Variants in PPARGC1A observed in about 807,000 individuals in gnomAD.
PPARGC1A encodes the protein peroxisome proliferator-activated receptor gamma coactivator 1-alpha.
In PPARGC1A, 25 loss-of-function variants were observed where a neutral mutation model predicts 88.7. The ratio of observed to expected loss-of-function variants is 0.28; its 90% CI spans 0.21 to 0.39. The LOEUF is 0.39. PPARGC1A is among the 10% of genes least tolerant of loss of function. The pLI, the probability that PPARGC1A is intolerant of heterozygous loss-of-function variation, is 1.00. For synonymous variants in PPARGC1A, 363 were observed against 355.6 expected (o/e 1.02, Z -0.24); for missense variants, 880 against 968.7 (o/e 0.91, Z 1.22).
At chr4:23,986,984 G>A in the PPARGC1A span, among the ~76,000 whole-genome samples, 2 of 151,982 alleles carry the variant, frequency 1.3e-5, no homozygotes, top group Non-Finnish European at 2.9e-5. Context: ...TAATACTACT[G>A]CCAAGAGAAT....
the PPARGC1A span, among the ~76,000 whole-genome samples, chr4:24,024,376 C>G: frequency 6.6e-6 from 1 of 152,178 alleles, no homozygotes; most frequent in Non-Finnish European, 1.5e-5. Context: ...ATTCCACGGA[C>G]CACATTCCTT....
chr4:24,198,191 C>T, the PPARGC1A span, among the ~76,000 whole-genome samples: 1 of 152,206 alleles, frequency 6.6e-6, no homozygotes, highest in Non-Finnish European at 1.5e-5. Flanking sequence ...TCATGAAATA[C>T]AAATGCCCAT....
the PPARGC1A span, among the ~76,000 whole-genome samples, chr4:24,195,766 G>A: frequency 3.3e-3 from 507 of 151,396 alleles, no homozygotes; most frequent in Non-Finnish European, 5.7e-3. Flanking sequence ...TTTATGCCTC[G>A]CTATCCTTAT....
the PPARGC1A span, among the ~76,000 whole-genome samples, chr4:24,288,199 C>A: frequency 6.6e-6 from 1 of 152,198 alleles, no homozygotes; most frequent in Non-Finnish European, 1.5e-5. Context: ...CCCTGGTTTT[C>A]ATTTTTCAGA....
chr4:24,138,182 G>A, the PPARGC1A span, among the ~76,000 whole-genome samples: 2 of 152,198 alleles, frequency 1.3e-5, no homozygotes, highest in South Asian at 4.1e-4. Flanking sequence ...CAGGTTTGCA[G>A]TTAACCTGTA....
chr4:24,324,743 T>C, the PPARGC1A span, among the ~76,000 whole-genome samples: 1 of 152,216 alleles, frequency 6.6e-6, no homozygotes, highest in South Asian at 2.1e-4. Context: ...GGCATTCTTT[T>C]ACACATCAGT....
At chr4:24,111,850 C>A in the PPARGC1A span, among the ~76,000 whole-genome samples, 9 of 152,120 alleles carry the variant, frequency 5.9e-5, no homozygotes, top group East Asian at 1.5e-3. Context: ...ACACATATAG[C>A]CACACATATA....
the PPARGC1A span, among the ~76,000 whole-genome samples, chr4:24,132,626 C>T: frequency 6.6e-6 from 1 of 152,154 alleles, no homozygotes; most frequent in African/African-American, 2.4e-5. Context: ...TTTCCTCTAC[C>T]CTCTGCTCTC....
chr4:24,000,450 A>T, the PPARGC1A span, among the ~76,000 whole-genome samples: 1 of 152,224 alleles, frequency 6.6e-6, no homozygotes, highest in African/African-American at 2.4e-5. Flanking sequence ...TAAATAGCAC[A>T]TAATGGGGTC....
the PPARGC1A span, among the ~76,000 whole-genome samples, chr4:24,366,860 C>T: frequency 6.6e-6 from 1 of 152,266 alleles, no homozygotes; most frequent in South Asian, 2.1e-4. Flanking sequence ...TATTTTCCAC[C>T]CTTTTCTGCA....
the PPARGC1A span, among the ~76,000 whole-genome samples, chr4:24,276,598 GC>G: frequency 6.6e-6 from 1 of 152,122 alleles, no homozygotes; most frequent in Non-Finnish European, 1.5e-5. Flanking sequence ...AGAGCTCTTT[GC>G]CCCCGAAATT....
chr4:23,802,472 GTTCA>G, intron 10 of PPARGC1A, 127 bp from the exon 11 acceptor site: 1 of 1,147,158 alleles, frequency 8.7e-7, no homozygotes, highest in Non-Finnish European at 1.2e-6. Context: ...GAGGTCAGGA[GTTCA>G]ATACCAGCCT....
the PPARGC1A span, among the ~76,000 whole-genome samples, chr4:24,007,601 T>G: frequency 6.6e-6 from 1 of 152,032 alleles, no homozygotes; most frequent in Admixed American, 6.6e-5. Context: ...GAATTTAGGA[T>G]CCAAAGGTTT....
the PPARGC1A span, among the ~76,000 whole-genome samples, chr4:23,950,327 A>T: frequency 2.6e-5 from 4 of 151,972 alleles, no homozygotes; most frequent in East Asian, 7.8e-4. Flanking sequence ...TTCCTCTCCA[A>T]CCCTATCTCC....
intron 8 of PPARGC1A, among the ~76,000 whole-genome samples, 173 bp downstream of exon 8, chr4:23,813,517 G>A (rs968275647): frequency 1.3e-5 from 2 of 152,234 alleles, no homozygotes; most frequent in African/African-American, 2.4e-5. Context: ...AGATTTAAGA[G>A]AACATGGAGA....
chr4:24,002,689 A>C, the PPARGC1A span, among the ~76,000 whole-genome samples: 1 of 152,120 alleles, frequency 6.6e-6, no homozygotes, highest in African/African-American at 2.4e-5. Context: ...ACTAGACACA[A>C]TATTGACTTG....
the PPARGC1A span, among the ~76,000 whole-genome samples, chr4:24,263,617 C>T: frequency 3.9e-5 from 6 of 152,258 alleles, no homozygotes; most frequent in South Asian, 6.2e-4. Context: ...TCCACTTCTG[C>T]CGTACCTGAG....
At chr4:23,922,293 A>C in the PPARGC1A span, among the ~76,000 whole-genome samples, 2 of 152,218 alleles carry the variant, frequency 1.3e-5, no homozygotes, top group African/African-American at 4.8e-5. Flanking sequence ...GGAGTCCTCA[A>C]CATCCCATCA....
chr4:24,110,696 A>G, the PPARGC1A span, among the ~76,000 whole-genome samples: 1 of 152,236 alleles, frequency 6.6e-6, no homozygotes, highest in African/African-American at 2.4e-5. Context: ...GTAAAAGGAA[A>G]GAGAACTAAC....
Sources: allele counts gnomAD v4.1 joint callset (sites outside exome capture counted in the v4.1 genomes callset), GRCh38; gene constraint gnomAD v4.1.1; transcripts MANE v1.5; gene names NCBI Gene and HGNC (gene_info 2026-07-23, HGNC 2026-07-21).